ZNF138: variants seen among roughly 807,000 people sequenced by gnomAD.
ZNF138 encodes the protein zinc finger protein 138 (clone pHZ-32).
A neutral mutation model predicts 33.0 loss-of-function variants in ZNF138; 33 were observed. The ratio of observed to expected loss-of-function variants is 1.00; its 90% CI spans 0.76 to 1.34. The LOEUF is 1.34. Ranked by LOEUF, ZNF138 falls within the 40% of genes most tolerant of loss-of-function variation. The probability of loss-of-function intolerance (pLI) is 0.00; values close to 1 mark genes in which losing one functional copy is unlikely to be tolerated. For synonymous variants in ZNF138, 139 were observed against 120.4 expected (o/e 1.15, Z -1.01); for missense variants, 360 against 370.8 (o/e 0.97, Z 0.24).
At chr7:64,846,285 A>G in the ZNF138 span, among the ~76,000 whole-genome samples, 1 of 152,032 alleles carries the variant, frequency 6.6e-6, no homozygotes, top group African/African-American at 2.4e-5. Flanking sequence ...ATTGTTTTTT[A>G]TAGTTCTGTG....
At chr7:64,813,189 C>T (rs1298606587) in intron 1 of ZNF138, among the ~76,000 whole-genome samples, 1 of 152,046 alleles carries the variant, frequency 6.6e-6, no homozygotes, top group African/African-American at 2.4e-5. Flanking sequence ...TGGGGGAAAG[C>T]TGGGGTCCTT....
At chr7:64,837,124 G>A (rs1023948128), downstream of ZNF138, among the ~76,000 whole-genome samples, 5 of 152,176 alleles carry the variant, frequency 3.3e-5, no homozygotes, top group African/African-American at 1.2e-4. Context: ...AATTCATGCG[G>A]TATTTGATTT....
chr7:64,803,148 G>T (rs1269337997), intron 1 of ZNF138, among the ~76,000 whole-genome samples: 2 of 151,588 alleles, frequency 1.3e-5, no homozygotes, highest in Admixed American at 1.3e-4. Flanking sequence ...TTTGTTGTTT[G>T]AAAGATATGT....
chr7:64,837,452 C>T (rs1014382066), downstream of ZNF138, among the ~76,000 whole-genome samples: 6 of 151,822 alleles, frequency 4.0e-5, no homozygotes, highest in Non-Finnish European at 8.8e-5. Flanking sequence ...AGGGCAGGTA[C>T]GTGCCAAGAG....
chr7:64,804,303 T>A (rs1351592906), intron 1 of ZNF138, among the ~76,000 whole-genome samples: 1 of 152,164 alleles, frequency 6.6e-6, no homozygotes, highest in Non-Finnish European at 1.5e-5. Flanking sequence ...TCTGTTCCGT[T>A]CTAATTACCG....
chr7:64,830,870 T>A (rs1396241761), intron 3 of ZNF138: 1 of 1,448,446 alleles, frequency 6.9e-7, no homozygotes, highest in African/African-American at 1.5e-5. Context: ...TTAGGGTTTT[T>A]TTAGTTCATT....
At chr7:64,796,387 G>A (rs1786690935) in intron 1 of ZNF138, among the ~76,000 whole-genome samples, 1 of 152,132 alleles carries the variant, frequency 6.6e-6, no homozygotes, top group African/African-American at 2.4e-5. Flanking sequence ...TGACATGTGA[G>A]TGAGATACAT....
chr7:64,854,182 T>C, the ZNF138 span, among the ~76,000 whole-genome samples: 1 of 152,250 alleles, frequency 6.6e-6, no homozygotes, highest in Non-Finnish European at 1.5e-5. Flanking sequence ...TTAATATTTT[T>C]AGAGGATTCT....
At chr7:64,825,671 C>G (rs1789546689) in intron 3 of ZNF138, among the ~76,000 whole-genome samples, 1 of 151,678 alleles carries the variant, frequency 6.6e-6, no homozygotes, top group Non-Finnish European at 1.5e-5. Context: ...TTCTGAGGAG[C>G]TGGGACTACA....
chr7:64,840,234 A>T, the ZNF138 span, among the ~76,000 whole-genome samples: 4 of 152,048 alleles, frequency 2.6e-5, no homozygotes, highest in African/African-American at 9.7e-5. Flanking sequence ...TGTGCATTCA[A>T]TGAAGTATTA....
Position 64,832,368 on chromosome 7 carries a change from G to T in ZNF138, c.*166G>T, listed in dbSNP as rs1023108022. On this transcript the variant is annotated 3_prime_UTR_variant, in exon 4 of 4. Coordinates refer to ENST00000307355, the MANE Select transcript of ZNF138 (RefSeq NM_001271639.2). The stretch of plus-strand genomic sequence containing the variant: ...ATGTGGCAGAGCTTTTAACCAGTCC[G>T]CAAAGCTCACTGAACATAAGTTAAT... 11 of 1,516,806 alleles carry T rather than the reference G, an allele frequency of 7.3e-6. No homozygotes were observed. Among genetic ancestry groups the T allele is most frequent in the African/African-American group, 1.4e-5 (1 of 70,730 alleles). The allele number at this position is 1,516,806 out of a possible 1,614,324, so 94.0% of individuals were successfully genotyped here.
At chr7:64,847,334 T>TATATATATATA in the ZNF138 span, among the ~76,000 whole-genome samples, 444 of 93,540 alleles carry the variant, frequency 4.7e-3, no homozygotes, top group South Asian at 0.011. Flanking sequence ...ATATATATAT[T>TATATATATATA]TTTTTTTTTT....
intron 1 of ZNF138, among the ~76,000 whole-genome samples, chr7:64,797,229 T>C (rs1786761036): frequency 6.6e-6 from 1 of 152,186 alleles, no homozygotes; most frequent in Non-Finnish European, 1.5e-5. Context: ...TTTTTTAAGA[T>C]GAAACTTGGT....
At chr7:64,842,645 G>A in the ZNF138 span, among the ~76,000 whole-genome samples, 1 of 152,108 alleles carries the variant, frequency 6.6e-6, no homozygotes, top group African/African-American at 2.4e-5. Flanking sequence ...CTTGTTCATT[G>A]TGTTCCCAGA....
chr7:64,850,985 C>T, the ZNF138 span, among the ~76,000 whole-genome samples: 1 of 152,012 alleles, frequency 6.6e-6, no homozygotes, highest in African/African-American at 2.4e-5. Context: ...ATTTTTCATT[C>T]ACCAGAGTTC....
chr7:64,815,670 A>G lies in ZNF138; in HGVS notation c.208+17A>G. 6.2e-7 allele frequency: 1 copy of G among 1,606,846 alleles called. No homozygotes were observed. Among genetic ancestry groups the G allele is most frequent in the African/African-American group, 1.3e-5 (1 of 74,706 alleles). ...AACATTCAGGTAGGTGAGAGTGAAT[A>G]CACAGATGGCACAGATGAGAGGTCA... On this transcript the variant is annotated intron_variant, in intron 3 of 3. Coordinates refer to ENST00000307355, the MANE Select transcript of ZNF138 (RefSeq NM_001271639.2).
At chr7:64,826,533 G>A (rs112883249) in intron 3 of ZNF138, among the ~76,000 whole-genome samples, 44,630 of 151,914 alleles carry the variant, frequency 0.29, 7,403 homozygotes, top group Non-Finnish European at 0.36. Flanking sequence ...TGCCCGCCTC[G>A]GCTTCCCAAA....
At chr7:64,846,475 C>G in the ZNF138 span, among the ~76,000 whole-genome samples, 2 of 152,120 alleles carry the variant, frequency 1.3e-5, no homozygotes, top group African/African-American at 4.8e-5. Flanking sequence ...AGAGGTCTTT[C>G]ACCTCTGTGG....
At chr7:64,799,751 C>T (rs2128984884) in intron 1 of ZNF138, among the ~76,000 whole-genome samples, 1 of 152,264 alleles carries the variant, frequency 6.6e-6, no homozygotes, top group Admixed American at 6.5e-5. Context: ...TCAAACGATT[C>T]TCCTGCCTTA....
Sources: allele counts gnomAD v4.1 joint callset (sites outside exome capture counted in the v4.1 genomes callset), GRCh38; gene constraint gnomAD v4.1.1; transcripts MANE v1.5; gene names NCBI Gene and HGNC (gene_info 2026-07-23, HGNC 2026-07-21).